MKLN1: variants seen among roughly 807,000 people sequenced by gnomAD.
MKLN1 encodes the protein muskelin.
In MKLN1, 18 loss-of-function variants were observed where a neutral mutation model predicts 99.0. That is an observed-to-expected ratio of 0.18 (90% CI 0.13 to 0.27). The LOEUF is 0.27. Ranked by LOEUF, MKLN1 falls within the 10% of genes least tolerant of loss-of-function variation. The probability of loss-of-function intolerance (pLI) is 1.00; values close to 1 mark genes in which losing one functional copy is unlikely to be tolerated. For missense variants in MKLN1, 621 were observed against 875.9 expected, an observed-to-expected ratio of 0.71 and a Z score of 3.67; for synonymous variants, 288 against 293.2, an observed-to-expected ratio of 0.98 and a Z score of 0.18.
intron 3 of MKLN1, among the ~76,000 whole-genome samples, chr7:131,212,931 A>AAAC (rs1177042050): frequency 2.8e-5 from 4 of 144,368 alleles, no homozygotes; most frequent in Non-Finnish European, 6.3e-5. Context: ...CTCAAAAAAA[A>AAAC]AAAACAAAAA....
At chr7:131,449,631 A>AATTATTCTC (rs547784908) in intron 12 of MKLN1, among the ~76,000 whole-genome samples, 487 of 152,030 alleles carry the variant, frequency 3.2e-3, no homozygotes, top group African/African-American at 0.011. Context: ...GTGAAATGGA[A>AATTATTCTC]ATTATTCTCT....
chr7:131,393,758 A>G (rs1794275286), intron 4 of MKLN1, among the ~76,000 whole-genome samples: 1 of 151,894 alleles, frequency 6.6e-6, no homozygotes, highest in African/African-American at 2.4e-5. Flanking sequence ...CCAAGTAGCC[A>G]GGACTACAGG....
intron 1 of MKLN1, among the ~76,000 whole-genome samples, chr7:131,347,121 A>G (rs1799585482): frequency 6.6e-6 from 1 of 152,188 alleles, no homozygotes; most frequent in Admixed American, 6.5e-5. Context: ...GCATAATTAT[A>G]TATAGCAGCC....
At chr7:131,160,492 A>ATTT (rs1343341791) in intron 2 of MKLN1, among the ~76,000 whole-genome samples, 1 of 138,982 alleles carries the variant, frequency 7.2e-6, no homozygotes, top group Admixed American at 7.4e-5. Context: ...TATTATTATT[A>ATTT]ATTATTATTA....
intron 1 of MKLN1, among the ~76,000 whole-genome samples, chr7:131,333,902 A>G (rs1245829060): frequency 6.6e-6 from 1 of 152,130 alleles, no homozygotes; most frequent in African/African-American, 2.4e-5. Flanking sequence ...GTATCAGTTT[A>G]TTTTCCTTCT....
rs1013143326 is a variant in MKLN1 at position 131,184,276 on chromosome 7, C to T, written c.-296-18581C>T. ...AGTAGCTGTGACTATAGGTGTGCAC[C>T]ACTGTGCCTGGCTTTATTTTCTAAT... On this transcript the variant is annotated intron_variant, in intron 2 of 7. Coordinates refer to the MKLN1 transcript ENST00000416992. Among the ~76,000 whole-genome samples, 3 of 152,252 alleles carry T rather than the reference C, an allele frequency of 2.0e-5. No homozygotes were observed. In the East Asian group the frequency reaches 5.8e-4, roughly 29 times the overall value.
chr7:131,303,224 G>T (rs900556453), intron 3 of MKLN1, among the ~76,000 whole-genome samples: 1 of 152,214 alleles, frequency 6.6e-6, no homozygotes, highest in African/African-American at 2.4e-5. Context: ...GGAGTTTCTT[G>T]GTTTGGATGC....
At chr7:131,153,590 A>T (rs1795920357) in intron 2 of MKLN1, among the ~76,000 whole-genome samples, 1 of 151,954 alleles carries the variant, frequency 6.6e-6, no homozygotes, top group Non-Finnish European at 1.5e-5. Flanking sequence ...TTAATGGAGG[A>T]CTGGTTGAAT....
chr7:131,157,947 G>A (rs763305041), intron 2 of MKLN1, among the ~76,000 whole-genome samples: 4 of 152,198 alleles, frequency 2.6e-5, no homozygotes, highest in Non-Finnish European at 4.4e-5. Flanking sequence ...ACTGCTAGCA[G>A]TGGTGACAGA....
intron 3 of MKLN1, among the ~76,000 whole-genome samples, chr7:131,223,593 A>T (rs1797092788): frequency 6.6e-6 from 1 of 152,018 alleles, no homozygotes; most frequent in Non-Finnish European, 1.5e-5. Flanking sequence ...TGCCGCTCTT[A>T]ATTCCCAAGG....
intron 1 of MKLN1, among the ~76,000 whole-genome samples, chr7:131,122,871 A>C (rs1795394225): frequency 2.6e-5 from 4 of 151,888 alleles, no homozygotes; most frequent in African/African-American, 7.3e-5. Context: ...AATACAAAAA[A>C]AATTAGCCGG....
intron 1 of MKLN1, among the ~76,000 whole-genome samples, chr7:131,371,765 CATAT>C (rs149627807): frequency 1.4e-5 from 2 of 147,650 alleles, no homozygotes; most frequent in African/African-American, 2.5e-5. Flanking sequence ...ACATATATAA[CATAT>C]ATATATATAT....
chr7:131,297,744 T>C (rs1015470609), intron 3 of MKLN1, among the ~76,000 whole-genome samples: 1 of 152,158 alleles, frequency 6.6e-6, no homozygotes, highest in Non-Finnish European at 1.5e-5. Context: ...GTAAATTGTT[T>C]TTAGCTGGAG....
chr7:131,216,009 C>T, intron 3 of MKLN1, among the ~76,000 whole-genome samples: 1 of 152,150 alleles, frequency 6.6e-6, no homozygotes, highest in Non-Finnish European at 1.5e-5. Flanking sequence ...AGTCTAGACG[C>T]CCCATTCTAG....
chr7:131,177,132 T>C (rs1796310351), intron 2 of MKLN1, among the ~76,000 whole-genome samples: 2 of 152,206 alleles, frequency 1.3e-5, no homozygotes, highest in Non-Finnish European at 2.9e-5. Context: ...CACAATCTTT[T>C]ATGGCCACAT....
chr7:131,179,448 A>G (rs1054801351), intron 2 of MKLN1, among the ~76,000 whole-genome samples: 2 of 152,214 alleles, frequency 1.3e-5, no homozygotes, highest in Admixed American at 1.3e-4. Flanking sequence ...CTCTAACTCT[A>G]CTGAATGCAA....
At chr7:131,182,697 CT>C (rs1360379349) in intron 2 of MKLN1, among the ~76,000 whole-genome samples, 1 of 151,748 alleles carries the variant, frequency 6.6e-6, no homozygotes, top group Admixed American at 6.6e-5. Context: ...ATAGTGTCAC[CT>C]TTTTGTGAAA....
chr7:131,461,702 A>G (rs1322638840), intron 12 of MKLN1, among the ~76,000 whole-genome samples: 1 of 152,158 alleles, frequency 6.6e-6, no homozygotes, highest in Non-Finnish European at 1.5e-5. Flanking sequence ...TCAATCTGAT[A>G]TTTGTTTAGC....
intron 6 of MKLN1, 85 bp downstream of exon 6, chr7:131,399,518 T>A: frequency 7.0e-6 from 8 of 1,145,634 alleles, no homozygotes; most frequent in Non-Finnish European, 1.0e-5. Flanking sequence ...TTATGCCAGT[T>A]ATTACTGTAA....
Sources: allele counts gnomAD v4.1 joint callset (sites outside exome capture counted in the v4.1 genomes callset), GRCh38; gene constraint gnomAD v4.1.1; transcripts MANE v1.5; gene names NCBI Gene and HGNC (gene_info 2026-07-23, HGNC 2026-07-21).